SOX5: variants seen among roughly 807,000 people sequenced by gnomAD.
SOX5 encodes the protein transcription factor SOX-5.
Under a neutral mutation model 92.0 loss-of-function variants are expected in SOX5, and 9 were observed. The ratio of observed to expected loss-of-function variants is 0.10; its 90% confidence interval spans 0.06 to 0.17. SOX5 has a LOEUF of 0.17. Ranked by LOEUF, SOX5 falls within the 10% of genes least tolerant of loss-of-function variation. The probability of loss-of-function intolerance (pLI) is 1.00; values close to 1 mark genes in which losing one functional copy is unlikely to be tolerated. For missense variants in SOX5, 642 were observed against 944.5 expected (o/e 0.68, Z 4.20); for synonymous variants, 344 against 336.3 (o/e 1.02, Z -0.25).
chr12:24,099,387 T>C (rs986082814), intron 4 of SOX5, among the ~76,000 whole-genome samples: 1 of 152,168 alleles, frequency 6.6e-6, no homozygotes, highest in African/African-American at 2.4e-5. Flanking sequence ...AACTGCACTA[T>C]GATATAATCC....
chr12:24,273,932 G>A (rs979181474), intron 3 of SOX5, among the ~76,000 whole-genome samples: 1 of 152,066 alleles, frequency 6.6e-6, no homozygotes, highest in African/African-American at 2.4e-5. Flanking sequence ...CTTTTTAATT[G>A]TGAAACTATA....
chr12:23,776,402 A>G lies in SOX5; in HGVS notation c.482-20678T>C, dbSNP rs958234559. Among the ~76,000 whole-genome samples, 4 of 152,246 alleles carry G rather than the reference A, an allele frequency of 2.6e-5. No individual in the cohort carries two copies. In the South Asian group the frequency reaches 8.3e-4, roughly 31 times the overall value. On this transcript the variant is annotated intron_variant, in intron 3 of 14. Coordinates refer to ENST00000451604, the MANE Select transcript of SOX5 (RefSeq NM_006940.6). ...TTTTAAAGAAGGATATGACTGAGGA[A>G]GGCAAGAAATTTTATTTTTGAAACA... is the stretch of plus-strand genomic sequence containing the variant.
At chr12:23,730,298 A>G (rs2093343808) in intron 6 of SOX5, among the ~76,000 whole-genome samples, 2 of 152,350 alleles carry the variant, frequency 1.3e-5, no homozygotes, top group South Asian at 2.1e-4. Context: ...ATTAATATGC[A>G]TTAAAGTTAG....
chr12:24,314,002 CA>C (rs1949460284), intron 2 of SOX5, among the ~76,000 whole-genome samples: 1 of 152,104 alleles, frequency 6.6e-6, no homozygotes, highest in Non-Finnish European at 1.5e-5. Flanking sequence ...TCATCTTGAT[CA>C]AAAAATCCAG....
chr12:24,202,194 C>T (rs1490276157), intron 4 of SOX5, among the ~76,000 whole-genome samples: 5 of 152,198 alleles, frequency 3.3e-5, no homozygotes, highest in African/African-American at 1.2e-4. Context: ...ACCCAGTTCA[C>T]AGTGTAACAT....
intron 1 of SOX5, among the ~76,000 whole-genome samples, chr12:24,402,649 C>T (rs563544090): frequency 6.6e-6 from 1 of 152,182 alleles, no homozygotes; most frequent in Non-Finnish European, 1.5e-5. Context: ...TATGTGGGCA[C>T]TTTGATGTCA....
intron 1 of SOX5, among the ~76,000 whole-genome samples, chr12:24,413,416 T>A (rs529227770): frequency 6.6e-6 from 1 of 152,242 alleles, no homozygotes; most frequent in South Asian, 2.1e-4. Flanking sequence ...TTTTTCCATT[T>A]TTTTCTTTCA....
At chr12:24,304,322 T>C (rs1270913229) in intron 2 of SOX5, among the ~76,000 whole-genome samples, 1 of 151,984 alleles carries the variant, frequency 6.6e-6, no homozygotes, top group Non-Finnish European at 1.5e-5. Context: ...GAATGGAAAA[T>C]GAAGTAGAAA....
intron 4 of SOX5, among the ~76,000 whole-genome samples, chr12:24,190,769 A>C (rs1208275750): frequency 6.6e-6 from 1 of 152,242 alleles, no homozygotes; most frequent in Non-Finnish European, 1.5e-5. Context: ...ATGATAAACC[A>C]TCAATTTAAG....
At chr12:23,714,883 T>C (rs893018628) in intron 6 of SOX5, among the ~76,000 whole-genome samples, 1 of 152,216 alleles carries the variant, frequency 6.6e-6, no homozygotes, top group African/African-American at 2.4e-5. Flanking sequence ...ATCAAATTTC[T>C]ATGCATATAG....
At chr12:24,348,576 T>A (rs554558737) in intron 2 of SOX5, among the ~76,000 whole-genome samples, 138 of 152,054 alleles carry the variant, frequency 9.1e-4, no homozygotes, top group Non-Finnish European at 1.5e-3. Context: ...AGAGGCGGTG[T>A]TTCACCATGT....
At chr12:23,554,985 C>T (rs1321247013) in intron 11 of SOX5, among the ~76,000 whole-genome samples, 1 of 152,118 alleles carries the variant, frequency 6.6e-6, no homozygotes, top group African/African-American at 2.4e-5. Flanking sequence ...AGAAAGACCA[C>T]TCTTTGATAG....
At position 24,311,198 on chromosome 12, in the gene SOX5, G is replaced by T. The variant is rs554247273; in HGVS notation, c.-173-33886C>A. 4.6e-5 allele frequency among the ~76,000 whole-genome samples: 7 copies of T among 152,290 alleles called. No homozygotes were observed. The East Asian group carries it at 1.4e-3, about 29-fold the overall frequency. The stretch of plus-strand genomic sequence containing the variant: ...AAAATCTGAACAAACAGGACTTGCT[G>T]TAGTACGCCCCACCCAGTTTATTAC... On this transcript the variant is annotated intron_variant, in intron 2 of 4. Coordinates refer to the SOX5 transcript ENST00000446891.
At chr12:23,895,039 A>G (rs2137669995) in intron 2 of SOX5, among the ~76,000 whole-genome samples, 1 of 152,194 alleles carries the variant, frequency 6.6e-6, no homozygotes, top group Non-Finnish European at 1.5e-5. Context: ...AAGGACCACA[A>G]TGACTTATTT....
intron 3 of SOX5, among the ~76,000 whole-genome samples, chr12:24,263,631 A>G (rs1416335218): frequency 3.9e-5 from 6 of 152,084 alleles, no homozygotes; most frequent in Non-Finnish European, 1.5e-5. Context: ...CATTTTGAGC[A>G]CTTTGTTCAA....
At chr12:23,866,685 G>C (rs1251823148) in intron 2 of SOX5, among the ~76,000 whole-genome samples, 1 of 152,078 alleles carries the variant, frequency 6.6e-6, no homozygotes, top group Non-Finnish European at 1.5e-5. Context: ...TGAGACTACT[G>C]AACAGTACTT....
At chr12:24,455,208 TC>T (rs1212481492) in intron 1 of SOX5, among the ~76,000 whole-genome samples, 1 of 152,188 alleles carries the variant, frequency 6.6e-6, no homozygotes, top group Non-Finnish European at 1.5e-5. Flanking sequence ...AAACACATAG[TC>T]CTCAAACAGG....
chr12:24,448,557 A>C (rs895766943), intron 1 of SOX5, among the ~76,000 whole-genome samples: 3 of 152,210 alleles, frequency 2.0e-5, no homozygotes, highest in African/African-American at 7.2e-5. Flanking sequence ...TTAAATACTA[A>C]AATTTAATGC....
chr12:24,407,561 A>G (rs1963245885), intron 1 of SOX5: 1 of 152,218 alleles, frequency 6.6e-6, no homozygotes, highest in Admixed American at 6.5e-5. Context: ...GGACCGTTTA[A>G]AAAGCCTAGA....
Sources: gnomAD v4.1 joint callset for allele counts (sites outside exome capture counted in the v4.1 genomes callset) on GRCh38, gnomAD v4.1.1 for gene constraint, MANE v1.5 for transcripts, NCBI Gene and HGNC (gene_info 2026-07-23, HGNC 2026-07-21) for gene names.